Variants in IGSF23 observed in about 807,000 individuals in gnomAD.
The protein encoded by IGSF23 is immunoglobulin superfamily member 23, also known as immunoglobulin superfamily, member 23.
Under a neutral mutation model 17.8 loss-of-function variants are expected in IGSF23, and 14 were observed. That is an observed-to-expected ratio of 0.79 (90% CI 0.52 to 1.23). IGSF23 has a LOEUF of 1.23. Ranked by LOEUF, IGSF23 falls within the 50% of genes most tolerant of loss-of-function variation. The probability of loss-of-function intolerance (pLI) is 0.00; values close to 1 mark genes in which losing one functional copy is unlikely to be tolerated. For synonymous variants in IGSF23, 85 were observed against 92.5 expected, an observed-to-expected ratio of 0.92 and a Z score of 0.46; for missense variants, 214 against 241.7, an observed-to-expected ratio of 0.89 and a Z score of 0.76.
chr19:44,626,767 C>T (rs1972656959), intron 2 of IGSF23, among the ~76,000 whole-genome samples: 1 of 151,956 alleles, frequency 6.6e-6, no homozygotes, highest in Non-Finnish European at 1.5e-5. Flanking sequence ...ACTAAAAATA[C>T]AAAATTTAGC....
chr19:44,614,321 A>G (rs1052918529), intron 1 of IGSF23, among the ~76,000 whole-genome samples: 9 of 152,210 alleles, frequency 5.9e-5, no homozygotes, highest in African/African-American at 2.2e-4. Context: ...GCAATCCGCA[A>G]CTTAGTAATA....
intron 1 of IGSF23, among the ~76,000 whole-genome samples, chr19:44,620,341 T>TGTG (rs1972487297): frequency 9.8e-4 from 137 of 139,390 alleles, no homozygotes; most frequent in African/African-American, 3.6e-3. Context: ...ATGACTAATT[T>TGTG]TGTGTGTGTG....
At chr19:44,630,378 C>T (rs1972739302) in intron 3 of IGSF23, among the ~76,000 whole-genome samples, 2 of 152,326 alleles carry the variant, frequency 1.3e-5, no homozygotes, top group African/African-American at 2.4e-5. Flanking sequence ...CTATTATTGT[C>T]GTCATTTCCC....
chr19:44,632,110 AT>A (rs1318170814), intron 3 of IGSF23: 3 of 391,794 alleles, frequency 7.7e-6, no homozygotes, highest in Admixed American at 6.3e-5. Flanking sequence ...AAGTATGTTC[AT>A]TTTTTCTGGC....
At chr19:44,626,201 G>C (rs1201078777) in intron 2 of IGSF23, among the ~76,000 whole-genome samples, 1 of 152,156 alleles carries the variant, frequency 6.6e-6, no homozygotes, top group African/African-American at 2.4e-5. Flanking sequence ...TGCGTGATGG[G>C]AATCTCAGCT....
intron 1 of IGSF23, chr19:44,614,025 G>C (rs1242200409): frequency 2.1e-6 from 3 of 1,461,038 alleles, no homozygotes; most frequent in Non-Finnish European, 2.8e-6. Context: ...CCACGGGCCA[G>C]GGACAAGGAG....
intron 3 of IGSF23, 29 bp downstream of exon 3, chr19:44,627,602 G>A: frequency 6.5e-7 from 1 of 1,533,296 alleles, no homozygotes; most frequent in Non-Finnish European, 8.8e-7. Flanking sequence ...CCCGTCCACT[G>A]GGCAACATCC....
At chr19:44,621,921 C>G (rs11083743) in intron 1 of IGSF23, among the ~76,000 whole-genome samples, 2 of 151,966 alleles carry the variant, frequency 1.3e-5, no homozygotes, top group Non-Finnish European at 2.9e-5. Context: ...GCTTGGCTCA[C>G]AGTAAGAGCC....
intron 3 of IGSF23, among the ~76,000 whole-genome samples, chr19:44,633,319 G>A (rs182460579): frequency 1.7e-4 from 26 of 152,342 alleles, no homozygotes; most frequent in African/African-American, 6.3e-4. Flanking sequence ...CATCAAAAAT[G>A]ATATTCTAAT....
intron 1 of IGSF23, among the ~76,000 whole-genome samples, chr19:44,615,996 C>T (rs1271707196): frequency 2.0e-5 from 3 of 152,066 alleles, no homozygotes; most frequent in Non-Finnish European, 2.9e-5. Flanking sequence ...AACATGTTTG[C>T]AAAGTGAGCT....
chr19:44,629,091 G>C (rs943711837), intron 3 of IGSF23, among the ~76,000 whole-genome samples: 1 of 152,208 alleles, frequency 6.6e-6, no homozygotes, highest in Non-Finnish European at 1.5e-5. Context: ...AGGGAGTAGG[G>C]AGGCAGGGGA....
At chr19:44,626,395 G>A (rs1284369174) in intron 2 of IGSF23, among the ~76,000 whole-genome samples, 1 of 152,192 alleles carries the variant, frequency 6.6e-6, no homozygotes, top group African/African-American at 2.4e-5. Context: ...ATGTTTATGA[G>A]CACTTGCTGT....
At chr19:44,623,396 G>A (rs1972562790) in intron 1 of IGSF23, among the ~76,000 whole-genome samples, 1 of 152,192 alleles carries the variant, frequency 6.6e-6, no homozygotes, top group Non-Finnish European at 1.5e-5. Context: ...TGGCATTGTG[G>A]AGGGCTGCTC....
chr19:44,631,092 C>CAA (rs34410787), intron 3 of IGSF23, among the ~76,000 whole-genome samples: 23,595 of 129,506 alleles, frequency 0.18, 2,126 homozygotes, highest in East Asian at 0.34. Context: ...CATGTCTCTA[C>CAA]AAAAAAAAAA....
intron 1 of IGSF23, among the ~76,000 whole-genome samples, chr19:44,617,551 G>A (rs1214843691): frequency 2.0e-5 from 3 of 152,154 alleles, no homozygotes. Context: ...ATTTGTATTT[G>A]TTAATTTTAA....
chr19:44,613,771 G>T lies in IGSF23; in HGVS notation c.125+1G>T, dbSNP rs1972303956. 1.9e-6 allele frequency: 3 copies of T among 1,550,338 alleles called. No homozygotes were observed. Among genetic ancestry groups the T allele is most frequent in the South Asian group, 2.4e-5 (2 of 84,054 alleles). The stretch of plus-strand genomic sequence containing the variant: ...GAGGTGACTTCCCAGCCAACTTGGT[G>T]TAAGTCATGTGGGGAAGTGGCCAGG... On this transcript the variant is annotated splice_donor_variant, in intron 1 of 4. Coordinates refer to ENST00000402988, the MANE Select transcript of IGSF23 (RefSeq NM_001205280.2). LOFTEE classifies it high-confidence loss of function.
rs1410367412 is a variant in IGSF23 at position 44,613,766 on chromosome 19, T to A, written c.121T>A (p.Leu41Met). The A allele has an allele frequency of 1.9e-6, 3 of 1,550,306 alleles. No individual in the cohort carries two copies. The highest frequency in any genetic ancestry group is 2.7e-5 in the African/African-American group (2 of 73,016). ...GGCTGGAGGTGACTTCCCAGCCAAC[T>A]TGGTGTAAGTCATGTGGGGAAGTGG... The part of the protein sequence containing the change: ...DAAGGDFPAN[L>M]VLQLMPLKTF... Residue 41 changes from leucine (L) to methionine (M), a missense_variant, in exon 1 of 5, where the codon TTG (leucine) becomes ATG (methionine). Transcript: ENST00000402988.
At chr19:44,614,396 T>C (rs935591664) in intron 1 of IGSF23, among the ~76,000 whole-genome samples, 4 of 152,182 alleles carry the variant, frequency 2.6e-5, no homozygotes, top group Non-Finnish European at 5.9e-5. Context: ...TGTAACTGAA[T>C]AGATCTATAT....
At chr19:44,629,046 G>C (rs527516650) in intron 3 of IGSF23, among the ~76,000 whole-genome samples, 1 of 152,170 alleles carries the variant, frequency 6.6e-6, no homozygotes, top group African/African-American at 2.4e-5. Context: ...AGAGTGGTGT[G>C]AAGAATGGGC....
Sources: gnomAD v4.1 joint callset for allele counts (sites outside exome capture counted in the v4.1 genomes callset) on GRCh38, gnomAD v4.1.1 for gene constraint, MANE v1.5 for transcripts, NCBI Gene and HGNC (gene_info 2026-07-23, HGNC 2026-07-21) for gene names.